The following SGSM2 variants were observed in gnomAD, a reference collection of about 807,000 sequenced individuals.
The protein encoded by SGSM2 is small G protein signaling modulator 2, also known as RUN and TBC1 domain containing 1.
A neutral mutation model predicts 126.6 loss-of-function variants in SGSM2; 89 were observed. The observed-to-expected ratio is 0.70, with a 90% confidence interval of 0.59 to 0.84. The LOEUF (loss-of-function observed/expected upper bound fraction) is 0.84, where lower values mean the gene tolerates loss of function less well. Ranked by LOEUF, SGSM2 falls within the 40% of genes least tolerant of loss-of-function variation. The pLI, the probability that SGSM2 is intolerant of heterozygous loss-of-function variation, is 0.00. For missense variants in SGSM2, 1,404 were observed against 1,416.6 expected, an observed-to-expected ratio of 0.99 and a Z score of 0.14; for synonymous variants, 614 against 574.3, an observed-to-expected ratio of 1.07 and a Z score of -0.99.
chr17:2,346,774 G>A (rs897006721), intron 2 of SGSM2, among the ~76,000 whole-genome samples: 4 of 152,094 alleles, frequency 2.6e-5, no homozygotes, highest in South Asian at 4.1e-4. Flanking sequence ...GGAGGGTGGC[G>A]CTAGGAGAAT....
intron 12 of SGSM2, among the ~76,000 whole-genome samples, chr17:2,369,542 T>C (rs2065763359): frequency 6.6e-6 from 1 of 152,126 alleles, no homozygotes; most frequent in Non-Finnish European, 1.5e-5. Context: ...CCCAGCTATC[T>C]GCACTGGGCT....
intron 2 of SGSM2, among the ~76,000 whole-genome samples, chr17:2,350,725 T>C (rs1381786705): frequency 6.6e-6 from 1 of 151,972 alleles, no homozygotes; most frequent in Admixed American, 6.6e-5. Flanking sequence ...AGACCATCCC[T>C]AGGAACGAGA....
At chr17:2,378,927 T>TCAGCCTCAGCCTCAGCCC (rs2066298830) in intron 22 of SGSM2, 109 bp from the exon 23 acceptor site, 1 of 1,155,318 alleles carries the variant, frequency 8.7e-7, no homozygotes, top group African/African-American at 2.1e-5. Context: ...AGCCCCAGCC[T>TCAGCCTCAGCCTCAGCCC]CAGCCTCAGC....
chr17:2,341,640 G>A (rs2064374319), intron 1 of SGSM2, among the ~76,000 whole-genome samples: 2 of 152,180 alleles, frequency 1.3e-5, no homozygotes, highest in Non-Finnish European at 2.9e-5. Flanking sequence ...CTCACTTTAT[G>A]TGTAACATTC....
chr17:2,337,892 C>A lies in SGSM2; in HGVS notation c.57+147C>A, dbSNP rs1186263509. Reference sequence around the variant, plus strand: ...GGTCCTGGACGGGCTGCGCCTCCTTCCCCTTTCTCGGATGGGGGAGGGCAG... The same window carrying A: ...GGTCCTGGACGGGCTGCGCCTCCTTACCCTTTCTCGGATGGGGGAGGGCAG... On this transcript the variant is annotated intron_variant, in intron 1 of 23. Coordinates refer to ENST00000268989, the MANE Select transcript of SGSM2 (RefSeq NM_014853.3). This position sits in a 1 kb window ranked among gnomAD's most constrained non-coding sequence, Gnocchi z 5.1. The A allele has an allele frequency of 1.4e-5, 6 of 430,950 alleles. No homozygotes were observed. Among genetic ancestry groups the A allele is most frequent in the Admixed American group, 4.9e-5 (1 of 20,530 alleles). The allele number at this position is 430,950 out of a possible 1,614,324, so 26.7% of individuals were successfully genotyped here.
chr17:2,368,848 C>T (rs145682261), intron 12 of SGSM2, among the ~76,000 whole-genome samples: 17 of 152,330 alleles, frequency 1.1e-4, no homozygotes, highest in South Asian at 2.1e-4. Flanking sequence ...AGGGGACCCA[C>T]GGAGCTACTT....
Position 2,375,548 on chromosome 17 carries a change from C to T in SGSM2, c.2157C>T (p.Ser719=), listed in dbSNP as rs17853889. 2 of 1,613,698 alleles carry T rather than the reference C, an allele frequency of 1.2e-6. No individual in the cohort carries two copies. Among genetic ancestry groups the T allele is most frequent in the African/African-American group, 2.7e-5 (2 of 75,016 alleles). Residue 719 remains serine (S), a synonymous_variant, in exon 18 of 24, where the codon TCC becomes TCT. Coordinates refer to ENST00000268989, the MANE Select transcript of SGSM2 (RefSeq NM_014853.3). ...EPPEPQDPED[S]RPKPEQEAGP... is the part of the protein sequence containing the mutation. ...CGGAGCCCCAGGACCCTGAAGATTC[C>T]AGACCAAAACCTGAGCAGGAAGCAG...
intron 1 of SGSM2, among the ~76,000 whole-genome samples, chr17:2,338,807 C>G (rs1471906290): frequency 8.6e-6 from 1 of 116,134 alleles, no homozygotes; most frequent in Non-Finnish European, 1.8e-5. Context: ...GCCTGTAATC[C>G]CAGCACGTTG....
At chr17:2,359,715 C>T (rs773940317) in intron 2 of SGSM2, among the ~76,000 whole-genome samples, 8 of 152,152 alleles carry the variant, frequency 5.3e-5, no homozygotes, top group Non-Finnish European at 8.8e-5. Flanking sequence ...GGCCTGGCTG[C>T]TTTTGCGGTC....
intron 19 of SGSM2, 75 bp from the exon 20 acceptor site, chr17:2,376,658 G>A: frequency 1.3e-6 from 2 of 1,519,292 alleles, no homozygotes; most frequent in Non-Finnish European, 1.8e-6. Context: ...GGTGGCTCTG[G>A]AGGACGTCTT....
In SGSM2 at chr17:2,337,566, G is replaced by A. The variant is rs902425876; in HGVS notation, c.-123G>A. 23 of 480,558 alleles carry A rather than the reference G, an allele frequency of 4.8e-5. No individual in the cohort carries two copies. The highest frequency in any genetic ancestry group is 8.5e-5 in the African/African-American group (4 of 47,188). The allele number at this position is 480,558 out of a possible 1,614,324, so 29.8% of individuals were successfully genotyped here. A position where few individuals can be genotyped will look rare whatever the true frequency, so the allele number is the denominator to read the frequency against. ...CAGTGGCTGCGGCGGCGGCGGCGGC[G>A]GCGGGCCGGGAGCGCGGCGGGCGGG... On this transcript the variant is annotated 5_prime_UTR_variant, in exon 1 of 24. Coordinates refer to ENST00000268989, the MANE Select transcript of SGSM2 (RefSeq NM_014853.3). This position sits in a 1 kb window ranked among gnomAD's most constrained non-coding sequence, Gnocchi z 5.1.
At position 2,361,290 on chromosome 17, in the gene SGSM2, C is replaced by A. The variant is rs191094364; in HGVS notation, c.134-347C>A. Among the ~76,000 whole-genome samples, 4 of 152,358 alleles carry A rather than the reference C, an allele frequency of 2.6e-5. No individual in the cohort carries two copies. The East Asian group carries it at 7.7e-4, about 29-fold the overall frequency. Reference sequence around the variant, plus strand: ...AAAGGCTCCCGAGTCGGGTGTTCCTCACATCCCCGTCCTGTAGGTGCTGTG... The same window carrying A: ...AAAGGCTCCCGAGTCGGGTGTTCCTAACATCCCCGTCCTGTAGGTGCTGTG... On this transcript the variant is annotated intron_variant, in intron 2 of 23. Coordinates refer to ENST00000268989, the MANE Select transcript of SGSM2 (RefSeq NM_014853.3).
rs369762583 is a variant in SGSM2 at position 2,357,462 on chromosome 17, G to A, written c.134-4175G>A. ...AAAAAGGAATACATTCATGGCATTCGCAGCAACCTGGATGGGATTGGAGAC... is the reference window on the plus strand; with the variant it reads ...AAAAAGGAATACATTCATGGCATTCACAGCAACCTGGATGGGATTGGAGAC... On this transcript the variant is annotated intron_variant, in intron 2 of 23. Coordinates refer to ENST00000268989, the MANE Select transcript of SGSM2 (RefSeq NM_014853.3). Among the ~76,000 whole-genome samples, 33 of 152,258 alleles carry A rather than the reference G, an allele frequency of 2.2e-4. No homozygotes were observed. In the South Asian group the frequency reaches 5.2e-3, roughly 24 times the overall value.
rs749179051 is a variant in SGSM2, at chr17:2,362,060, G to C, written c.297-49G>C. 3 of 1,569,108 alleles carry C rather than the reference G, an allele frequency of 1.9e-6. No individual in the cohort carries two copies. The highest frequency in any genetic ancestry group is 2.7e-5 in the African/African-American group (2 of 73,124). On this transcript the variant is annotated intron_variant, in intron 3 of 23. Coordinates refer to ENST00000268989, the MANE Select transcript of SGSM2 (RefSeq NM_014853.3). The surrounding 1 kb of genome is among the most constrained non-coding windows in gnomAD (Gnocchi z 4.9). ...CCCACTCCCAATGCCAGCATTCTGGGGTTTACCCCTAGACCACTGCACTCC... is the reference window on the plus strand; with the variant it reads ...CCCACTCCCAATGCCAGCATTCTGGCGTTTACCCCTAGACCACTGCACTCC...
At chr17:2,351,423 T>C (rs1346644875) in intron 2 of SGSM2, among the ~76,000 whole-genome samples, 1 of 152,156 alleles carries the variant, frequency 6.6e-6, no homozygotes, top group Admixed American at 6.5e-5. Flanking sequence ...GTCATTGAAC[T>C]GTGGGCTTAT....
chr17:2,359,655 C>T lies in SGSM2; in HGVS notation c.134-1982C>T, dbSNP rs1015612775. On this transcript the variant is annotated intron_variant, in intron 2 of 23. Coordinates refer to ENST00000268989, the MANE Select transcript of SGSM2 (RefSeq NM_014853.3). ...CTCAGAGGCTGGCCGGGAAGGTAGGCGAGGCCACCCCGATGGGAGTGCTGG... is the reference window on the plus strand; with the variant it reads ...CTCAGAGGCTGGCCGGGAAGGTAGGTGAGGCCACCCCGATGGGAGTGCTGG... Among the ~76,000 whole-genome samples the T allele has an allele frequency of 5.9e-5, 9 of 152,234 alleles. No individual in the cohort carries two copies. The East Asian group carries it at 1.4e-3, about 23-fold the overall frequency.
intron 2 of SGSM2, among the ~76,000 whole-genome samples, chr17:2,347,931 C>T (rs1458027987): frequency 6.6e-6 from 1 of 152,174 alleles, no homozygotes; most frequent in Non-Finnish European, 1.5e-5. Flanking sequence ...CCTCCCCACC[C>T]CCCAGGGATT....
Position 2,373,015 on chromosome 17 carries a change from C to T in SGSM2, c.1851C>T (p.Arg617=). The T allele has an allele frequency of 6.2e-7, 1 of 1,601,880 alleles. No individual in the cohort carries two copies. The highest frequency in any genetic ancestry group is 8.5e-7 in the Non-Finnish European group (1 of 1,174,358). Residue 617 remains arginine (R), a synonymous_variant, in exon 16 of 24, where the codon CGC becomes CGT. Coordinates refer to ENST00000268989, the MANE Select transcript of SGSM2 (RefSeq NM_014853.3). ...VYYGGIEHEI[R]KDVWPFLLGH... The stretch of plus-strand genomic sequence containing the variant: ...ACGGAGGCATAGAGCACGAGATCCG[C>T]AAGGACGTCTGGCCCTTTCTGCTTG...
At position 2,379,737 on chromosome 17, in the gene SGSM2, GC is replaced by G. The variant is rs35077819; in HGVS notation, c.*219del. 2 of 1,404,020 alleles carry G rather than the reference GC, an allele frequency of 1.4e-6. No individual in the cohort carries two copies. Among genetic ancestry groups the G allele is most frequent in the Non-Finnish European group, 1.9e-6 (2 of 1,078,544 alleles). The allele number at this position is 1,404,020 out of a possible 1,614,324, so 87.0% of individuals were successfully genotyped here. A position where few individuals can be genotyped will look rare whatever the true frequency, so the allele number is the denominator to read the frequency against. ...ATCAGGGCCGGGATGGGAGGGGTCA[GC>G]CTCAGGGAGCAGCTGCCTTGGGGGA... On this transcript the variant is annotated 3_prime_UTR_variant, in exon 24 of 24. Coordinates refer to ENST00000268989, the MANE Select transcript of SGSM2 (RefSeq NM_014853.3).
Sources: allele counts gnomAD v4.1 joint callset (sites outside exome capture counted in the v4.1 genomes callset), GRCh38; gene constraint gnomAD v4.1.1; non-coding constraint Gnocchi (gnomAD v3.1); transcripts MANE v1.5; gene names NCBI Gene and HGNC (gene_info 2026-07-23, HGNC 2026-07-21).